Variants in RAB3B observed in about 807,000 individuals in gnomAD.
RAB3B encodes ras-related protein Rab-3B.
A neutral mutation model predicts 20.5 loss-of-function variants in RAB3B; 11 were observed. The ratio of observed to expected loss-of-function variants is 0.54; its 90% CI spans 0.34 to 0.89. RAB3B has a LOEUF of 0.89. RAB3B is among the 40% of genes least tolerant of loss of function. The probability of loss-of-function intolerance (pLI) is 0.02; values close to 1 mark genes in which losing one functional copy is unlikely to be tolerated. For synonymous variants in RAB3B, 99 were observed against 106.3 expected, an observed-to-expected ratio of 0.93 and a Z score of 0.42; for missense variants, 225 against 280.9, an observed-to-expected ratio of 0.80 and a Z score of 1.42.
intron 1 of RAB3B, among the ~76,000 whole-genome samples, chr1:51,983,816 C>A (rs1042971803): frequency 6.8e-6 from 1 of 146,424 alleles, no homozygotes; most frequent in African/African-American, 2.5e-5. Context: ...AAAAATTAGC[C>A]AGGTGTGGTG....
intron 1 of RAB3B, among the ~76,000 whole-genome samples, chr1:51,983,734 C>T (rs943822401): frequency 3.4e-5 from 5 of 148,414 alleles, no homozygotes; most frequent in South Asian, 2.1e-4. Flanking sequence ...CCGAGGCAGG[C>T]GGATCATTTG....
In RAB3B at chr1:51,917,997, A is replaced by G. The variant is rs1200839383; in HGVS notation, c.*1930T>C. The G allele has an allele frequency of 1.3e-5, 2 of 152,146 alleles. No homozygotes were observed. Among genetic ancestry groups the G allele is most frequent in the African/African-American group, 2.4e-5 (1 of 41,452 alleles). The allele number at this position is 152,146 out of a possible 1,614,324, so 9.4% of individuals were successfully genotyped here. ...GCTGAGGATTCAGGCCATGATAGAG[A>G]AGAAAGGTTTTCTGGAATCACTGCC... On this transcript the variant is annotated 3_prime_UTR_variant, in exon 5 of 5. Transcript: ENST00000371655.
At chr1:51,920,639 C>A (rs1176430124) in intron 4 of RAB3B, among the ~76,000 whole-genome samples, 1 of 152,170 alleles carries the variant, frequency 6.6e-6, no homozygotes, top group Non-Finnish European at 1.5e-5. Flanking sequence ...CTCCACTTCA[C>A]TAATACAAAC....
At chr1:51,937,743 C>T (rs939079807) in intron 2 of RAB3B, among the ~76,000 whole-genome samples, 5 of 151,704 alleles carry the variant, frequency 3.3e-5, no homozygotes, top group African/African-American at 4.8e-5. Context: ...GTGATCCACC[C>T]GCCTCGGCCT....
Position 51,929,115 on chromosome 1 carries a change from T to A in RAB3B, c.472+4203A>T, listed in dbSNP as rs541051834. Among the ~76,000 whole-genome samples the A allele has an allele frequency of 8.1e-4, 123 of 152,288 alleles. 1 individual carries two copies. The highest frequency in any genetic ancestry group is 2.8e-3 in the African/African-American group (118 of 41,554). The stretch of plus-strand genomic sequence containing the variant: ...GACTCACAGGTGACCAATCATAGTA[T>A]TCTCTGGGATTGATTCATAGTGGTT... On this transcript the variant is annotated intron_variant, in intron 4 of 4. Transcript: ENST00000371655.
chr1:51,941,986 C>T (rs75210344), intron 2 of RAB3B, among the ~76,000 whole-genome samples: 2 of 152,206 alleles, frequency 1.3e-5, no homozygotes, highest in Non-Finnish European at 2.9e-5. Context: ...CACATCAAAG[C>T]TCTGTGTGTT....
At chr1:51,989,419 G>A (rs1685194326) in intron 1 of RAB3B, among the ~76,000 whole-genome samples, 1 of 151,790 alleles carries the variant, frequency 6.6e-6, no homozygotes, top group Non-Finnish European at 1.5e-5. Context: ...CCCGGTGCCC[G>A]TGTAACAAGG....
In RAB3B at chr1:51,911,637, C is replaced by T. The variant is rs370446493; in HGVS notation, c.*8290G>A. The T allele has an allele frequency of 3.9e-5, 6 of 152,196 alleles. No homozygotes were observed. The East Asian group carries it at 1.2e-3, about 29-fold the overall frequency. 9.4% of individuals were successfully genotyped at this position (152,196 alleles called of 1,614,324 possible). A position where few individuals can be genotyped will look rare whatever the true frequency, so the allele number is the denominator to read the frequency against. On this transcript the variant is annotated 3_prime_UTR_variant, in exon 5 of 5. Coordinates refer to ENST00000371655, the MANE Select transcript of RAB3B (RefSeq NM_002867.4). ...AATCAGGGTCTAGAAAACCAGAGAC[C>T]ACACTCTTTCTCACCTTATGTCTCT... is the stretch of plus-strand genomic sequence containing the variant.
chr1:51,944,645 A>T (rs2124267416), intron 2 of RAB3B, among the ~76,000 whole-genome samples: 1 of 152,332 alleles, frequency 6.6e-6, no homozygotes, highest in Admixed American at 6.5e-5. Context: ...GTAACTGCAG[A>T]TCTAAGATCT....
chr1:51,988,581 A>T (rs2783173), intron 1 of RAB3B, among the ~76,000 whole-genome samples: 5,457 of 152,318 alleles, frequency 0.036, 120 homozygotes, highest in Non-Finnish European at 0.043. Flanking sequence ...CAGTTTACAA[A>T]GTTCTTTTCA....
intron 4 of RAB3B, among the ~76,000 whole-genome samples, chr1:51,926,712 C>T (rs971797803): frequency 6.6e-6 from 1 of 152,180 alleles, no homozygotes; most frequent in Admixed American, 6.5e-5. Context: ...TGGGAAAACA[C>T]CATTGGATGA....
Position 51,976,932 on chromosome 1 carries a change from C to T in RAB3B, c.186G>A (p.Lys62=), listed in dbSNP as rs1250841661. The T allele has an allele frequency of 8.7e-6, 14 of 1,614,128 alleles. No individual in the cohort carries two copies. Among genetic ancestry groups the T allele is most frequent in the Middle Eastern group, 1.6e-4 (1 of 6,084 alleles). ...CCCGCTTCTCGTGACGGTAGACTGT[C>T]TTCACCTTGAAGTCGATGCCCACGG... is the stretch of plus-strand genomic sequence containing the variant. ...VSTVGIDFKV[K]TVYRHEKRVK... is the part of the protein sequence containing the mutation. Residue 62 remains lysine, a synonymous_variant, in exon 2 of 5, where the codon AAG becomes AAA. Coordinates refer to ENST00000371655, the MANE Select transcript of RAB3B (RefSeq NM_002867.4).
At chr1:51,956,589 C>A (rs533782752) in intron 2 of RAB3B, among the ~76,000 whole-genome samples, 1 of 152,318 alleles carries the variant, frequency 6.6e-6, no homozygotes, top group Admixed American at 6.5e-5. Context: ...ACTCCATAGG[C>A]CCCAAACATT....
At chr1:51,923,058 G>T (rs1684193629) in intron 4 of RAB3B, among the ~76,000 whole-genome samples, 1 of 152,214 alleles carries the variant, frequency 6.6e-6, no homozygotes, top group Admixed American at 6.5e-5. Context: ...TAGAGATACA[G>T]ACACAGGGAG....
rs1294825995 is a variant in RAB3B, at chr1:51,920,604, G to A, written c.473-490C>T. Among the ~76,000 whole-genome samples the A allele has an allele frequency of 3.3e-5, 5 of 152,146 alleles. No homozygotes were observed. In the East Asian group the frequency reaches 9.6e-4, roughly 29 times the overall value. On this transcript the variant is annotated intron_variant, in intron 4 of 4. Transcript: ENST00000371655. Reference sequence around the variant, plus strand: ...TTTATTTGATCTTCATGTTGCCCCTGAGGAAGGAGTCTCAGTCAGATCCTC... The same window carrying A: ...TTTATTTGATCTTCATGTTGCCCCTAAGGAAGGAGTCTCAGTCAGATCCTC...
At chr1:51,973,052 C>T (rs1304507054) in intron 2 of RAB3B, among the ~76,000 whole-genome samples, 8 of 152,172 alleles carry the variant, frequency 5.3e-5, no homozygotes, top group Non-Finnish European at 1.2e-4. Flanking sequence ...TTTCCATCCA[C>T]CCTTCAAACT....
At chr1:51,956,790 T>A (rs973616109) in intron 2 of RAB3B, among the ~76,000 whole-genome samples, 3 of 152,240 alleles carry the variant, frequency 2.0e-5, no homozygotes, top group Admixed American at 2.0e-4. Context: ...TTAGACGGGC[T>A]GTGCCAGGCA....
intron 4 of RAB3B, among the ~76,000 whole-genome samples, chr1:51,929,150 A>G (rs954926213): frequency 6.8e-6 from 1 of 148,022 alleles, no homozygotes; most frequent in Admixed American, 6.6e-5. Flanking sequence ...TGGGAGAGAG[A>G]AGGTCTCTTT....
chr1:51,940,476 A>G (rs1684476105), intron 2 of RAB3B, among the ~76,000 whole-genome samples: 1 of 152,142 alleles, frequency 6.6e-6, no homozygotes, highest in Non-Finnish European at 1.5e-5. Context: ...TACAAAAGTT[A>G]GCCAGGTGTA....
Sources: gnomAD v4.1 joint callset for allele counts (sites outside exome capture counted in the v4.1 genomes callset) on GRCh38, gnomAD v4.1.1 for gene constraint, MANE v1.5 for transcripts, NCBI Gene and HGNC (gene_info 2026-07-23, HGNC 2026-07-21) for gene names.